The following ERG variants were observed in gnomAD, a reference collection of about 807,000 sequenced individuals.
ERG encodes the protein transcriptional regulator ERG.
In ERG, 9 loss-of-function variants were observed where a neutral mutation model predicts 55.3. The observed-to-expected ratio is 0.16, with a 90% CI of 0.10 to 0.28. The LOEUF (loss-of-function observed/expected upper bound fraction) is 0.28. Among genes scored for constraint, ERG ranks in the 10% least tolerant of loss-of-function variants. ERG has a pLI of 1.00. For synonymous variants in ERG, 223 were observed against 237.3 expected (o/e 0.94, Z 0.55); for missense variants, 434 against 631.6 (o/e 0.69, Z 3.35).
chr21:38,537,445 T>C (rs200320693), intron 2 of ERG, among the ~76,000 whole-genome samples: 1 of 100,402 alleles, frequency 1.0e-5, no homozygotes, highest in African/African-American at 4.3e-5. Context: ...AAAAAAAATA[T>C]ATATATATAT....
intron 1 of ERG, among the ~76,000 whole-genome samples, chr21:38,600,179 A>C (rs1601297881): frequency 6.6e-6 from 1 of 152,046 alleles, no homozygotes; most frequent in African/African-American, 2.4e-5. Flanking sequence ...CGCAATCCCC[A>C]CCCAACCCCG....
At chr21:38,368,448 A>G in the ERG span, among the ~76,000 whole-genome samples, 1 of 152,196 alleles carries the variant, frequency 6.6e-6, no homozygotes, top group African/African-American at 2.4e-5. Flanking sequence ...GGCTAATCCA[A>G]TCTAATGTTG....
At chr21:38,475,659 G>C (rs2059180469) in intron 1 of ERG, among the ~76,000 whole-genome samples, 2 of 152,114 alleles carry the variant, frequency 1.3e-5, no homozygotes, top group South Asian at 2.1e-4. Context: ...CTCTAAACTA[G>C]AGGTCCCGCC....
intron 2 of ERG, among the ~76,000 whole-genome samples, chr21:38,424,185 GAGCTCTCTCTCTCTCT>G (rs1989702417): frequency 5.1e-5 from 3 of 58,560 alleles, no homozygotes; most frequent in South Asian, 7.2e-4. Flanking sequence ...ACCAGAGCTC[GAGCTCTCTCTCTCTCT>G]CTCTCTCTCT....
chr21:38,614,906 G>A (rs56262750), intron 1 of ERG, among the ~76,000 whole-genome samples: 7,344 of 152,282 alleles, frequency 0.048, 572 homozygotes, highest in African/African-American at 0.17. Context: ...TCTGGGGGAA[G>A]CCCAAGATTG....
intron 1 of ERG, among the ~76,000 whole-genome samples, chr21:38,449,985 C>G (rs1484555730): frequency 6.6e-5 from 10 of 151,908 alleles, no homozygotes; most frequent in Admixed American, 6.6e-4. Context: ...GATTATCAAA[C>G]CCACCTTCAA....
At chr21:38,641,737 A>G (rs2060426436) in intron 1 of ERG, among the ~76,000 whole-genome samples, 1 of 152,268 alleles carries the variant, frequency 6.6e-6, no homozygotes, top group South Asian at 2.1e-4. Context: ...TGTGAAAAAA[A>G]AAACAAATTT....
At chr21:38,444,456 T>TG (rs1306809975) in intron 2 of ERG, among the ~76,000 whole-genome samples, 1 of 152,218 alleles carries the variant, frequency 6.6e-6, no homozygotes, top group Non-Finnish European at 1.5e-5. Context: ...TATGACCTGA[T>TG]GGTAGATTAT....
intron 1 of ERG, among the ~76,000 whole-genome samples, chr21:38,594,191 C>T (rs2060117979): frequency 6.6e-6 from 1 of 152,152 alleles, no homozygotes; most frequent in South Asian, 2.1e-4. Context: ...CCAGCTTTTC[C>T]ATTTCCACTG....
At chr21:38,626,185 G>A (rs1357478984) in intron 1 of ERG, among the ~76,000 whole-genome samples, 1 of 152,086 alleles carries the variant, frequency 6.6e-6, no homozygotes, top group Non-Finnish European at 1.5e-5. Flanking sequence ...GTCTCCCAAA[G>A]TGCTGGGATT....
At chr21:38,467,602 A>T (rs1239188176) in intron 1 of ERG, among the ~76,000 whole-genome samples, 1 of 152,182 alleles carries the variant, frequency 6.6e-6, no homozygotes, top group Non-Finnish European at 1.5e-5. Context: ...GTAACTGTAC[A>T]TGTGCTCTTG....
chr21:38,424,702 T>G (rs1201433416), intron 2 of ERG, among the ~76,000 whole-genome samples: 2 of 152,222 alleles, frequency 1.3e-5, no homozygotes, highest in East Asian at 1.9e-4. Flanking sequence ...GAAATCCTCC[T>G]GCTCAATTTC....
chr21:38,581,762 G>A lies in ERG; in HGVS notation c.-127+3082C>T, dbSNP rs574589815. Reference sequence around the variant, plus strand: ...AACCCAATGCTAAAGGGACAGAGGCGGCCAGGCGCGGTGGCTCACGCCTGT... The same window carrying A: ...AACCCAATGCTAAAGGGACAGAGGCAGCCAGGCGCGGTGGCTCACGCCTGT... On this transcript the variant is annotated intron_variant, in intron 1 of 8. Coordinates refer to the ERG transcript ENST00000398897. Among the ~76,000 whole-genome samples the A allele has an allele frequency of 5.9e-5, 9 of 152,212 alleles. No homozygotes were observed. In the South Asian group the frequency reaches 6.2e-4, roughly 11 times the overall value.
chr21:38,416,998 A>G (rs1176957357), intron 3 of ERG, among the ~76,000 whole-genome samples: 1 of 152,190 alleles, frequency 6.6e-6, no homozygotes, highest in Non-Finnish European at 1.5e-5. Flanking sequence ...AGCAATCTCC[A>G]TTCCTCACAT....
chr21:38,648,603 C>T (rs952672562), intron 1 of ERG, among the ~76,000 whole-genome samples: 1 of 152,226 alleles, frequency 6.6e-6, no homozygotes, highest in Non-Finnish European at 1.5e-5. Context: ...CTCATCGCAT[C>T]TCCCACGGCC....
chr21:38,447,908 G>A (rs1476077307), intron 1 of ERG, among the ~76,000 whole-genome samples: 1 of 152,032 alleles, frequency 6.6e-6, no homozygotes, highest in African/African-American at 2.4e-5. Flanking sequence ...AGAAATTGGC[G>A]AAAACAGGTT....
At chr21:38,612,627 A>C (rs2060234448) in intron 1 of ERG, among the ~76,000 whole-genome samples, 1 of 151,714 alleles carries the variant, frequency 6.6e-6, no homozygotes, top group South Asian at 2.1e-4. Context: ...ACAGTAACTA[A>C]CTAGGAACCA....
intron 2 of ERG, among the ~76,000 whole-genome samples, chr21:38,569,580 A>T (rs1042931998): frequency 6.6e-5 from 10 of 152,190 alleles, no homozygotes; most frequent in African/African-American, 2.4e-4. Context: ...GTACACACAA[A>T]ACAGGATATA....
intron 1 of ERG, among the ~76,000 whole-genome samples, chr21:38,629,771 A>G (rs906766848): frequency 6.6e-6 from 1 of 152,246 alleles, no homozygotes; most frequent in African/African-American, 2.4e-5. Context: ...CAAAAGAATC[A>G]AAAGCAGGAA....
Sources: allele counts gnomAD v4.1 joint callset (sites outside exome capture counted in the v4.1 genomes callset), GRCh38; gene constraint gnomAD v4.1.1; transcripts MANE v1.5; gene names NCBI Gene and HGNC (gene_info 2026-07-23, HGNC 2026-07-21).